Variants in SOX6 observed in about 807,000 individuals in gnomAD.
SOX6 encodes the protein transcription factor SOX-6.
A neutral mutation model predicts 97.8 loss-of-function variants in SOX6; 11 were observed. The ratio of observed to expected loss-of-function variants is 0.11; its 90% CI spans 0.07 to 0.19. The LOEUF (loss-of-function observed/expected upper bound fraction) is 0.19. Ranked by LOEUF, SOX6 falls within the 10% of genes least tolerant of loss-of-function variation. The pLI, the probability that SOX6 is intolerant of heterozygous loss-of-function variation, is 1.00. For synonymous variants in SOX6, 360 were observed against 371.4 expected (o/e 0.97, Z 0.35); for missense variants, 810 against 1,039.5 (o/e 0.78, Z 3.04).
chr11:16,162,470 G>A (rs924156275), intron 6 of SOX6, among the ~76,000 whole-genome samples: 4 of 152,014 alleles, frequency 2.6e-5, no homozygotes, highest in African/African-American at 9.7e-5. Flanking sequence ...TGGATCCCAC[G>A]TGGCTTGGTG....
At chr11:16,674,249 A>G (rs1183944170) in intron 3 of SOX6, among the ~76,000 whole-genome samples, 3 of 151,432 alleles carry the variant, frequency 2.0e-5, no homozygotes, top group Admixed American at 2.0e-4. Flanking sequence ...ACGAGGATGC[A>G]AGGATCTCTC....
rs926475213 is a variant in SOX6 at position 16,056,036 on chromosome 11, G to A, written c.1102-135C>T. Reference sequence around the variant, plus strand: ...TTTTTCACTATTTTTAAAAAAGGAAGCTAAGAGAAGGCAAATAATAAAACA... The same window carrying A: ...TTTTTCACTATTTTTAAAAAAGGAAACTAAGAGAAGGCAAATAATAAAACA... On this transcript the variant is annotated intron_variant, in intron 9 of 15. Coordinates refer to ENST00000683767, the MANE Select transcript of SOX6 (RefSeq NM_001367873.1). 3.9e-6 allele frequency: 4 copies of A among 1,019,696 alleles called. No homozygotes were observed. In the African/African-American group the frequency reaches 6.5e-5, roughly 17 times the overall value. 63.2% of individuals were successfully genotyped at this position (1,019,696 alleles called of 1,614,324 possible).
rs531214959 is a variant in SOX6, at chr11:16,434,988, G to A, written c.-5+41327C>T. Among the ~76,000 whole-genome samples, 4 of 152,034 alleles carry A rather than the reference G, an allele frequency of 2.6e-5. No homozygotes were observed. In the East Asian group the frequency reaches 5.8e-4, roughly 22 times the overall value. On this transcript the variant is annotated intron_variant, in intron 1 of 15. Coordinates refer to the SOX6 transcript ENST00000396356. ...GCTGACATAAGTATACAACTATTACGCAGCCTCATAGTTCAATATTTAAGT... is the reference window on the plus strand; with the variant it reads ...GCTGACATAAGTATACAACTATTACACAGCCTCATAGTTCAATATTTAAGT...
chr11:16,116,787 G>A (rs1187389320), intron 6 of SOX6, among the ~76,000 whole-genome samples: 2 of 152,124 alleles, frequency 1.3e-5, no homozygotes, highest in African/African-American at 2.4e-5. Flanking sequence ...AAGTATTACC[G>A]CCTGAGCTCT....
chr11:16,248,413 C>A (rs1853404729), intron 3 of SOX6, among the ~76,000 whole-genome samples: 2 of 152,180 alleles, frequency 1.3e-5, no homozygotes, highest in Non-Finnish European at 2.9e-5. Context: ...CAGAGGTTCT[C>A]CATGACAGCT....
At chr11:15,982,322 C>T (rs1025873257) in intron 15 of SOX6, among the ~76,000 whole-genome samples, 2 of 151,988 alleles carry the variant, frequency 1.3e-5, no homozygotes, top group Admixed American at 1.3e-4. Flanking sequence ...ATGATATTCC[C>T]TATCTTGTAA....
At chr11:16,277,982 T>G (rs1441038926) in intron 3 of SOX6, among the ~76,000 whole-genome samples, 2 of 152,210 alleles carry the variant, frequency 1.3e-5, no homozygotes, top group African/African-American at 2.4e-5. Context: ...TTAAAAGCAC[T>G]TGGCCAATGC....
intron 12 of SOX6, among the ~76,000 whole-genome samples, chr11:16,043,257 G>A (rs1368189245): frequency 6.6e-6 from 1 of 152,128 alleles, no homozygotes; most frequent in Middle Eastern, 3.2e-3. Flanking sequence ...GAAGATGGCT[G>A]GTGTTCTTTG....
At chr11:16,651,606 C>T (rs1372781010) in intron 3 of SOX6, among the ~76,000 whole-genome samples, 1 of 151,960 alleles carries the variant, frequency 6.6e-6, no homozygotes, top group East Asian at 1.9e-4. Flanking sequence ...GCAAAATTGG[C>T]ATAGAAGGGA....
At chr11:16,206,828 A>G (rs1852084045) in intron 4 of SOX6, among the ~76,000 whole-genome samples, 1 of 152,166 alleles carries the variant, frequency 6.6e-6, no homozygotes, top group African/African-American at 2.4e-5. Context: ...TTGACTAGAA[A>G]GTGTCACTTT....
chr11:16,302,579 T>TC (rs1855294165), intron 3 of SOX6, among the ~76,000 whole-genome samples: 1 of 142,582 alleles, frequency 7.0e-6, no homozygotes, highest in Non-Finnish European at 1.5e-5. Flanking sequence ...TTTTTTTTTT[T>TC]TTTTTTTTTG....
chr11:16,577,027 C>G (rs989068665), intron 4 of SOX6: 2 of 152,098 alleles, frequency 1.3e-5, no homozygotes, highest in African/African-American at 4.8e-5. Context: ...TCCTAAGGAA[C>G]GGTAAACCGG....
chr11:16,286,956 A>G (rs12798653), intron 3 of SOX6, among the ~76,000 whole-genome samples: 25,690 of 151,972 alleles, frequency 0.17, 2,655 homozygotes, highest in Admixed American at 0.29. Flanking sequence ...TGTAGGTTTG[A>G]AAATTTTTCC....
chr11:16,521,027 C>T (rs1861049865), intron 4 of SOX6, among the ~76,000 whole-genome samples: 1 of 152,210 alleles, frequency 6.6e-6, no homozygotes, highest in Non-Finnish European at 1.5e-5. Context: ...CTCCCTGCCT[C>T]TGTAGGCTCC....
chr11:15,996,009 C>T (rs1054239366), intron 13 of SOX6, among the ~76,000 whole-genome samples: 6 of 151,998 alleles, frequency 3.9e-5, no homozygotes, highest in Non-Finnish European at 8.8e-5. Context: ...TCAATAAAAA[C>T]CAGATATACA....
chr11:16,698,324 A>G (rs1265503549), intron 3 of SOX6, among the ~76,000 whole-genome samples: 1 of 152,128 alleles, frequency 6.6e-6, no homozygotes, highest in African/African-American at 2.4e-5. Flanking sequence ...AACCTCTCCT[A>G]GCTTCAAACT....
At chr11:16,204,382 TG>T (rs1320272435) in intron 4 of SOX6, among the ~76,000 whole-genome samples, 5 of 152,024 alleles carry the variant, frequency 3.3e-5, no homozygotes, top group African/African-American at 1.2e-4. Context: ...TCCTATAAAC[TG>T]AAGAACTGGA....
At chr11:16,573,271 G>A (rs953087595) in intron 4 of SOX6, among the ~76,000 whole-genome samples, 1 of 152,126 alleles carries the variant, frequency 6.6e-6, no homozygotes, top group African/African-American at 2.4e-5. Flanking sequence ...AAGAAGGCCA[G>A]CTTCATTTAA....
rs149686783 is a variant in SOX6 at position 16,588,114 on chromosome 11, G to C, written n.609+23967C>G. 1.3e-3 allele frequency among the ~76,000 whole-genome samples: 194 copies of C among 152,302 alleles called. 3 individuals are homozygous for C. Among genetic ancestry groups the C allele is most frequent in the Admixed American group, 0.012 (177 of 15,302 alleles). On this transcript the variant is annotated intron_variant and non_coding_transcript_variant, in intron 4 of 5. Transcript: ENST00000524520. ...ATAGTGTTATCGTTTTTGCTCATGAGTCTACTAGCATGAATTCATATATTA... is the reference window on the plus strand; with the variant it reads ...ATAGTGTTATCGTTTTTGCTCATGACTCTACTAGCATGAATTCATATATTA...
Sources: allele counts gnomAD v4.1 joint callset (sites outside exome capture counted in the v4.1 genomes callset), GRCh38; gene constraint gnomAD v4.1.1; transcripts MANE v1.5; gene names NCBI Gene and HGNC (gene_info 2026-07-23, HGNC 2026-07-21).